The following TJP1 variants were observed in gnomAD, a reference collection of about 807,000 sequenced individuals.
The protein encoded by TJP1 is tight junction protein ZO-1.
A neutral mutation model predicts 194.2 loss-of-function variants in TJP1; 43 were observed. The ratio of observed to expected loss-of-function variants is 0.22; its 90% confidence interval spans 0.17 to 0.29. TJP1 has a LOEUF of 0.29. TJP1 is among the 10% of genes least tolerant of loss of function. The pLI is 1.00. For missense variants in TJP1, 1,971 were observed against 2,185.7 expected (o/e 0.90, Z 1.96); for synonymous variants, 801 against 779.0 (o/e 1.03, Z -0.47).
At chr15:29,917,535 A>T (rs1237124052) in intron 2 of TJP1, among the ~76,000 whole-genome samples, 1 of 152,234 alleles carries the variant, frequency 6.6e-6, no homozygotes, top group East Asian at 1.9e-4. Context: ...TTATAGGATG[A>T]GAAATAGCAG....
intron 1 of TJP1, among the ~76,000 whole-genome samples, chr15:29,959,555 A>T (rs2056080103): frequency 6.6e-6 from 1 of 152,126 alleles, no homozygotes; most frequent in South Asian, 2.1e-4. Context: ...GAGATGGGAT[A>T]CGCTGCCAGG....
chr15:29,701,532 G>A lies in TJP1; in HGVS notation c.*63C>T. ...TAAAAAAGGTATAATACTTGATAGA[G>A]TGGTTCCATTTAGATTAAGTTTAAT... On this transcript the variant is annotated 3_prime_UTR_variant, in exon 28 of 28. Coordinates refer to ENST00000614355, the MANE Select transcript of TJP1 (RefSeq NM_001330239.4). 3 of 1,332,632 alleles carry A rather than the reference G, an allele frequency of 2.3e-6. No individual in the cohort carries two copies. The highest frequency in any genetic ancestry group is 1.7e-5 in the Admixed American group (1 of 57,858). The allele number at this position is 1,332,632 out of a possible 1,614,324, so 82.6% of individuals were successfully genotyped here.
At chr15:29,884,784 G>C (rs952141572) in intron 2 of TJP1, among the ~76,000 whole-genome samples, 8 of 152,132 alleles carry the variant, frequency 5.3e-5, no homozygotes, top group Non-Finnish European at 1.2e-4. Context: ...TTCAAGGAAG[G>C]CTGCCACAAA....
At position 29,718,665 on chromosome 15, in the gene TJP1, C is replaced by T; in HGVS notation, c.3477G>A (p.Glu1159=). 6.2e-7 allele frequency: 1 copy of T among 1,614,112 alleles called. No homozygotes were observed. Among genetic ancestry groups the T allele is most frequent in the Non-Finnish European group, 8.5e-7 (1 of 1,180,016 alleles). Residue 1159 remains glutamate (E), a synonymous_variant, in exon 21 of 28, where the codon GAG becomes GAA. Coordinates refer to ENST00000614355, the MANE Select transcript of TJP1 (RefSeq NM_001330239.4). ...GTGTGTCATACCCAGGAGCTGGCTG[C>T]TCTTCGTGCCGCAGGGCGGATGCTC... is the stretch of plus-strand genomic sequence containing the variant. ...APRASALRHE[E]QPAPGYDTHG...
At chr15:29,928,466 A>G (rs1692482000) in intron 2 of TJP1, among the ~76,000 whole-genome samples, 1 of 152,216 alleles carries the variant, frequency 6.6e-6, no homozygotes, top group African/African-American at 2.4e-5. Flanking sequence ...CTGTTCGGCA[A>G]TATCTAATAA....
chr15:29,965,133 T>C (rs1386292042), intron 1 of TJP1, among the ~76,000 whole-genome samples: 1 of 152,152 alleles, frequency 6.6e-6, no homozygotes, highest in Admixed American at 6.5e-5. Context: ...TATATAAATA[T>C]CTTCATATAA....
At chr15:29,893,803 T>C (rs1406699390) in intron 2 of TJP1, among the ~76,000 whole-genome samples, 3 of 152,206 alleles carry the variant, frequency 2.0e-5, no homozygotes, top group Admixed American at 1.3e-4. Flanking sequence ...ATTTGCTTTA[T>C]TGTGGTGGTC....
chr15:29,716,776 T>G lies in TJP1; in HGVS notation c.4037A>C (p.Tyr1346Ser). The G allele has an allele frequency of 6.2e-7, 1 of 1,614,152 alleles. No homozygotes were observed. Among genetic ancestry groups the G allele is most frequent in the Non-Finnish European group, 8.5e-7 (1 of 1,179,976 alleles). ...ATATTCTTCATCTTCTTCAGGGTCA[T>G]AATGATTGGACCGAACAATATCTTC... ...PPEDIVRSNH[Y>S]DPEEDEEYYR... The change falls in exon 23 of 28, where the codon TAT (tyrosine) becomes TCT (serine). Residue 1346 changes from tyrosine (Y) to serine (S), a missense_variant. Physicochemically the swap from Tyr to Ser is moderately radical, Grantham distance 144. Coordinates refer to ENST00000614355, the MANE Select transcript of TJP1 (RefSeq NM_001330239.4).
intron 2 of TJP1, among the ~76,000 whole-genome samples, chr15:29,796,284 G>T (rs1167892002): frequency 1.3e-5 from 2 of 150,336 alleles, no homozygotes; most frequent in Admixed American, 6.6e-5. Context: ...AAAACACCCA[G>T]GAATCTAAAC....
At chr15:29,787,266 C>A (rs45458391) in intron 2 of TJP1, among the ~76,000 whole-genome samples, 7 of 152,216 alleles carry the variant, frequency 4.6e-5, no homozygotes, top group Non-Finnish European at 8.8e-5. Flanking sequence ...TGAATTTGGA[C>A]CCCTACCTCA....
intron 2 of TJP1, among the ~76,000 whole-genome samples, chr15:29,851,015 G>A (rs930443786): frequency 6.6e-5 from 10 of 152,066 alleles, no homozygotes; most frequent in South Asian, 2.1e-4. Context: ...GCATGTGCCC[G>A]TAATTCCAGA....
chr15:29,725,111 G>A (rs1424013487), intron 18 of TJP1, among the ~76,000 whole-genome samples: 3 of 152,196 alleles, frequency 2.0e-5, no homozygotes, highest in South Asian at 2.1e-4. Context: ...CCTTTCAAGT[G>A]CTGCAAAAGT....
intron 8 of TJP1, among the ~76,000 whole-genome samples, chr15:29,753,910 C>T (rs1203240786): frequency 6.6e-6 from 1 of 150,632 alleles, no homozygotes; most frequent in Non-Finnish European, 1.5e-5. Flanking sequence ...TCACTACCAA[C>T]AATATATGTA....
Position 29,718,636 on chromosome 15 carries a change from C to T in TJP1, c.3506G>A (p.Gly1169Asp). Residue 1169 changes from glycine (G) to aspartate (D), a missense_variant, in exon 21 of 28, where the codon GGT becomes GAT. Gly to Asp is a moderately conservative substitution (Grantham distance 94). Around this residue, in one of 5 missense-constraint regions of TJP1, gnomAD observed 1,108 missense variants for 1,128.5 expected, o/e 0.98. Coordinates refer to ENST00000614355, the MANE Select transcript of TJP1 (RefSeq NM_001330239.4). ...GGGCTGGGCTTCCGGTCTGAGTCTA[C>T]CATGTGTGTCATACCCAGGAGCTGG... ...EQPAPGYDTH[G>D]RLRPEAQPHP... The T allele has an allele frequency of 1.9e-6, 3 of 1,614,134 alleles. No individual in the cohort carries two copies. The highest frequency in any genetic ancestry group is 2.2e-5 in the East Asian group (1 of 44,866).
chr15:29,949,138 CACCTTCACCACCTCCACTACT>C (rs1249462085), intron 2 of TJP1, among the ~76,000 whole-genome samples: 3 of 150,208 alleles, frequency 2.0e-5, no homozygotes, highest in Non-Finnish European at 4.5e-5. Flanking sequence ...CCTCCACCTC[CACCTTCACCACCTCCACTACT>C]ACCTCCACCA....
At chr15:29,920,974 A>G (rs1034330770) in intron 2 of TJP1, among the ~76,000 whole-genome samples, 1 of 152,212 alleles carries the variant, frequency 6.6e-6, no homozygotes, top group Non-Finnish European at 1.5e-5. Flanking sequence ...TGAAATGGAC[A>G]GATGGATGGA....
At chr15:29,784,086 A>G (rs1027509324) in intron 2 of TJP1, among the ~76,000 whole-genome samples, 3 of 152,152 alleles carry the variant, frequency 2.0e-5, no homozygotes, top group African/African-American at 7.2e-5. Flanking sequence ...AGGAGTCCCT[A>G]AAGAAGCAAA....
At chr15:29,719,251 T>C in intron 20 of TJP1, 113 bp from the exon 21 acceptor site, 4 of 1,248,646 alleles carry the variant, frequency 3.2e-6, no homozygotes, top group Non-Finnish European at 4.3e-6. Flanking sequence ...TGGTATGTTT[T>C]ACCATTTATT....
At chr15:29,866,463 C>G (rs1391530871) in intron 2 of TJP1, among the ~76,000 whole-genome samples, 1 of 152,138 alleles carries the variant, frequency 6.6e-6, no homozygotes, top group African/African-American at 2.4e-5. Context: ...ATGGCTTTGG[C>G]AGATGCAGGG....
Sources: allele counts gnomAD v4.1 joint callset (sites outside exome capture counted in the v4.1 genomes callset), GRCh38; gene constraint gnomAD v4.1.1; regional missense constraint gnomAD v4.1.1; transcripts MANE v1.5; gene names NCBI Gene and HGNC (gene_info 2026-07-23, HGNC 2026-07-21).